The following AP1S3 variants were observed in gnomAD, a reference collection of about 807,000 sequenced individuals.
AP1S3 encodes adaptor related protein complex 1 subunit sigma 3, also known as AP-1 complex subunit sigma-3.
In AP1S3, 10 loss-of-function variants were observed where a neutral mutation model predicts 20.9. That is an observed-to-expected ratio of 0.48 (90% CI 0.29 to 0.81). The LOEUF (loss-of-function observed/expected upper bound fraction) is 0.81, where lower values mean the gene tolerates loss of function less well. AP1S3 is among the 30% of genes least tolerant of loss of function. The pLI is 0.08. For missense variants in AP1S3, 154 were observed against 183.8 expected (o/e 0.84, Z 0.94); for synonymous variants, 41 against 61.5 (o/e 0.67, Z 1.56).
intron 1 of AP1S3, among the ~76,000 whole-genome samples, chr2:223,809,406 A>G (rs952782618): frequency 6.6e-6 from 1 of 152,114 alleles, no homozygotes; most frequent in African/African-American, 2.4e-5. Context: ...GCACTTCGGG[A>G]GGCCAAGGCG....
At chr2:223,806,410 A>G (rs1316715085) in intron 1 of AP1S3, among the ~76,000 whole-genome samples, 3 of 150,728 alleles carry the variant, frequency 2.0e-5, no homozygotes, top group Non-Finnish European at 4.4e-5. Context: ...CAACCTCTCG[A>G]GTAGGTGGGA....
chr2:223,777,565 A>G, intron 2 of AP1S3, 126 bp downstream of exon 2: 1 of 828,134 alleles, frequency 1.2e-6, no homozygotes, highest in Non-Finnish European at 1.8e-6. Context: ...ATTGGTACAA[A>G]TATCTGGGCC....
chr2:223,759,240 C>T (rs759058067), intron 4 of AP1S3, among the ~76,000 whole-genome samples: 14 of 151,746 alleles, frequency 9.2e-5, no homozygotes, highest in Middle Eastern at 3.4e-3. Flanking sequence ...GATTGCACCA[C>T]TGCACTCCAG....
At chr2:223,828,405 T>C (rs1290751283) in intron 1 of AP1S3, among the ~76,000 whole-genome samples, 1 of 151,024 alleles carries the variant, frequency 6.6e-6, no homozygotes, top group African/African-American at 2.4e-5. Context: ...CAAGCGATTC[T>C]CTTGCCTCAG....
intron 1 of AP1S3, among the ~76,000 whole-genome samples, chr2:223,813,100 T>A (rs1691771826): frequency 6.6e-6 from 1 of 152,060 alleles, no homozygotes; most frequent in Admixed American, 6.6e-5. Context: ...AGCTTTTGTA[T>A]TTTACAATAA....
intron 2 of AP1S3, 115 bp from the exon 3 acceptor site, chr2:223,776,124 G>T: frequency 1.3e-6 from 1 of 754,818 alleles, no homozygotes; most frequent in Non-Finnish European, 2.4e-6. Context: ...CCTCATCCAA[G>T]AATGAAATCA....
chr2:223,822,252 G>A (rs1386647347), intron 1 of AP1S3, among the ~76,000 whole-genome samples: 1 of 151,924 alleles, frequency 6.6e-6, no homozygotes, highest in Non-Finnish European at 1.5e-5. Context: ...AATGAGCTGG[G>A]CATGGTGTCA....
rs370100686 is a variant in AP1S3, at chr2:223,772,518, A to C, written c.291+3383T>G. Among the ~76,000 whole-genome samples the C allele has an allele frequency of 5.9e-5, 9 of 152,324 alleles. No homozygotes were observed. In the East Asian group the frequency reaches 1.7e-3, roughly 29 times the overall value. ...ATGCAGAAATATGGCAGGTATCTAA[A>C]TCCTCAGACTCTTATCTGGCATGAG... On this transcript the variant is annotated intron_variant, in intron 3 of 4. Transcript: ENST00000396654.
intron 1 of AP1S3, among the ~76,000 whole-genome samples, chr2:223,809,077 C>G (rs1185005144): frequency 1.3e-5 from 2 of 152,312 alleles, no homozygotes; most frequent in East Asian, 3.9e-4. Flanking sequence ...TCAACAATTG[C>G]TCCCTTACAA....
chr2:223,789,834 T>C (rs1235962278), intron 1 of AP1S3, among the ~76,000 whole-genome samples: 1 of 63,572 alleles, frequency 1.6e-5, no homozygotes, highest in South Asian at 4.8e-4. Context: ...CAAGACTCTA[T>C]CAAAAAAAAA....
At chr2:223,768,403 A>C (rs1268555111) in intron 3 of AP1S3, among the ~76,000 whole-genome samples, 1 of 151,948 alleles carries the variant, frequency 6.6e-6, no homozygotes, top group African/African-American at 2.4e-5. Context: ...TCTCACTTAC[A>C]TCTTCTGTGC....
chr2:223,793,921 G>A (rs1203128304), intron 1 of AP1S3, among the ~76,000 whole-genome samples: 1 of 152,020 alleles, frequency 6.6e-6, no homozygotes, highest in Non-Finnish European at 1.5e-5. Flanking sequence ...TGGGATTACA[G>A]GTGTGAGCCA....
rs932017605 is a variant in AP1S3 at position 223,756,070 on chromosome 2, G to A, written c.*2645C>T. The A allele has an allele frequency of 2.6e-5, 26 of 984,892 alleles. No homozygotes were observed. The South Asian group carries it at 3.3e-4, about 12-fold the overall frequency. The allele number at this position is 984,892 out of a possible 1,614,324, so 61.0% of individuals were successfully genotyped here. On this transcript the variant is annotated 3_prime_UTR_variant, in exon 5 of 5. Transcript: ENST00000396654. ...AATAAAGAATTTGGCCGGGTGCAGCGGCTCATGCCTGTAATTCCAGCACTT... is the reference window on the plus strand; with the variant it reads ...AATAAAGAATTTGGCCGGGTGCAGCAGCTCATGCCTGTAATTCCAGCACTT...
chr2:223,765,419 C>A lies in AP1S3; in HGVS notation c.292-69G>T, dbSNP rs74693185. The A allele has an allele frequency of 2.1e-3, 3,157 of 1,509,998 alleles. 40 individuals are homozygous for A. The African/African-American group carries it at 0.033, about 16-fold the overall frequency. The allele number at this position is 1,509,998 out of a possible 1,614,324, so 93.5% of individuals were successfully genotyped here. A position where few individuals can be genotyped will look rare whatever the true frequency, so the allele number is the denominator to read the frequency against. ...TCAGGGGAAACATCTGCCCGAATCT[C>A]GAGCTTTTTCAGTTTGCACTCATGT... is the stretch of plus-strand genomic sequence containing the variant. On this transcript the variant is annotated intron_variant, in intron 3 of 4. Coordinates refer to ENST00000396654, the MANE Select transcript of AP1S3 (RefSeq NM_001039569.2).
At chr2:223,837,200 G>C (rs929828731) in intron 1 of AP1S3, among the ~76,000 whole-genome samples, 1 of 151,612 alleles carries the variant, frequency 6.6e-6, no homozygotes, top group African/African-American at 2.4e-5. Context: ...CGGCTAAGGC[G>C]GATCGAATGA....
At chr2:223,836,986 A>C (rs1174719693) in intron 1 of AP1S3, among the ~76,000 whole-genome samples, 1 of 152,024 alleles carries the variant, frequency 6.6e-6, no homozygotes, top group East Asian at 1.9e-4. Context: ...TGCCAAATCA[A>C]AAGTTGCCAC....
intron 3 of AP1S3, among the ~76,000 whole-genome samples, chr2:223,774,372 T>TAATAAATAAATA (rs56121039): frequency 8.7e-4 from 126 of 145,532 alleles, no homozygotes; most frequent in Non-Finnish European, 1.2e-3. Flanking sequence ...TCTCAATAAA[T>TAATAAATAAATA]AATAAATAAA....
chr2:223,762,452 T>C (rs527780576), intron 4 of AP1S3, among the ~76,000 whole-genome samples: 2 of 152,170 alleles, frequency 1.3e-5, no homozygotes, highest in East Asian at 3.9e-4. Context: ...TTTGTATTTT[T>C]AGTAGGGATG....
At chr2:223,780,115 G>A (rs925047216) in intron 1 of AP1S3, among the ~76,000 whole-genome samples, 6 of 150,978 alleles carry the variant, frequency 4.0e-5, no homozygotes, top group East Asian at 2.0e-4. Context: ...CACCTCCCCC[G>A]GCTGCCTCAC....
Sources: allele counts gnomAD v4.1 joint callset (sites outside exome capture counted in the v4.1 genomes callset), GRCh38; gene constraint gnomAD v4.1.1; transcripts MANE v1.5; gene names NCBI Gene and HGNC (gene_info 2026-07-23, HGNC 2026-07-21).